The following GALNTL6 variants were observed in gnomAD, a reference collection of about 807,000 sequenced individuals.
GALNTL6 encodes polypeptide N-acetylgalactosaminyltransferase-like 6.
A neutral mutation model predicts 73.7 loss-of-function variants in GALNTL6; 46 were observed. The observed-to-expected ratio is 0.62, with a 90% CI of 0.49 to 0.80. GALNTL6 has a LOEUF of 0.80. GALNTL6 is among the 30% of genes least tolerant of loss of function. The pLI is 0.00. For synonymous variants in GALNTL6, 259 were observed against 263.7 expected (o/e 0.98, Z 0.17); for missense variants, 604 against 755.0 (o/e 0.80, Z 2.34).
intron 11 of GALNTL6, among the ~76,000 whole-genome samples, chr4:173,009,717 TGAACA>T (rs2126493771): frequency 6.6e-6 from 1 of 152,362 alleles, no homozygotes; most frequent in South Asian, 2.1e-4. Flanking sequence ...CCCCTGACCA[TGAACA>T]GATCACTTTA....
At chr4:172,366,597 C>T (rs187263705) in intron 5 of GALNTL6, among the ~76,000 whole-genome samples, 5 of 152,030 alleles carry the variant, frequency 3.3e-5, no homozygotes, top group East Asian at 1.9e-4. Flanking sequence ...GTAAGATCAA[C>T]GTGGGAAAAA....
chr4:172,485,437 G>A (rs537529116), intron 5 of GALNTL6, among the ~76,000 whole-genome samples: 2 of 152,038 alleles, frequency 1.3e-5, no homozygotes, highest in South Asian at 2.1e-4. Context: ...TTTATAAAAC[G>A]TCTGTTTTAT....
At chr4:172,512,963 G>GT (rs1316134593) in intron 5 of GALNTL6, among the ~76,000 whole-genome samples, 1 of 152,022 alleles carries the variant, frequency 6.6e-6, no homozygotes, top group Non-Finnish European at 1.5e-5. Context: ...TTTCCTGGGT[G>GT]TTTTTTGAGC....
chr4:172,862,732 T>A (rs1017231193), intron 7 of GALNTL6, among the ~76,000 whole-genome samples: 1 of 147,194 alleles, frequency 6.8e-6, no homozygotes, highest in Non-Finnish European at 1.5e-5. Flanking sequence ...AAAAACCCAT[T>A]TTCTGGGGAG....
chr4:172,652,127 A>G (rs1213054628), intron 5 of GALNTL6, among the ~76,000 whole-genome samples: 1 of 152,218 alleles, frequency 6.6e-6, no homozygotes, highest in Non-Finnish European at 1.5e-5. Context: ...CATCTAGATT[A>G]TGTTTAAGGA....
intron 2 of GALNTL6, among the ~76,000 whole-genome samples, chr4:172,203,817 G>A (rs1047362436): frequency 6.6e-6 from 1 of 152,084 alleles, no homozygotes; most frequent in Non-Finnish European, 1.5e-5. Context: ...CACAGTCTTG[G>A]CTCACCACAA....
intron 5 of GALNTL6, among the ~76,000 whole-genome samples, chr4:172,789,241 C>T (rs548159320): frequency 2.7e-4 from 41 of 152,268 alleles, no homozygotes; most frequent in Non-Finnish European, 4.1e-4. Flanking sequence ...CCATGACCCC[C>T]TCTTGGGTTC....
intron 2 of GALNTL6, among the ~76,000 whole-genome samples, chr4:172,126,997 C>T (rs1207126985): frequency 6.6e-6 from 1 of 152,212 alleles, no homozygotes; most frequent in Non-Finnish European, 1.5e-5. Flanking sequence ...AACATTTTCA[C>T]ATGCCTCAAG....
At chr4:172,309,918 T>C (rs960007300) in intron 3 of GALNTL6, among the ~76,000 whole-genome samples, 1 of 152,058 alleles carries the variant, frequency 6.6e-6, no homozygotes, top group Non-Finnish European at 1.5e-5. Flanking sequence ...ATGAAAATTG[T>C]ATAAAACGCC....
chr4:172,079,063 A>C (rs1182822254), intron 2 of GALNTL6, among the ~76,000 whole-genome samples: 1 of 152,122 alleles, frequency 6.6e-6, no homozygotes, highest in Non-Finnish European at 1.5e-5. Context: ...ATACATACTC[A>C]AATATGTATC....
At chr4:172,463,737 A>T (rs1732698740) in intron 5 of GALNTL6, among the ~76,000 whole-genome samples, 1 of 152,246 alleles carries the variant, frequency 6.6e-6, no homozygotes, top group South Asian at 2.1e-4. Context: ...GAAGACCCTA[A>T]TTTAGTCAAT....
At chr4:172,641,256 T>C (rs770053440) in intron 5 of GALNTL6, among the ~76,000 whole-genome samples, 2 of 152,136 alleles carry the variant, frequency 1.3e-5, no homozygotes, top group Admixed American at 1.3e-4. Context: ...AGTGATCTTT[T>C]TAAGACATAA....
intron 2 of GALNTL6, among the ~76,000 whole-genome samples, chr4:172,024,962 A>G (rs1741512775): frequency 6.6e-6 from 1 of 151,914 alleles, no homozygotes; most frequent in African/African-American, 2.4e-5. Flanking sequence ...GTCTAAGAAC[A>G]AAATATTACC....
chr4:172,165,057 C>T (rs1482931845), intron 2 of GALNTL6, among the ~76,000 whole-genome samples: 2 of 151,996 alleles, frequency 1.3e-5, no homozygotes, highest in Non-Finnish European at 2.9e-5. Flanking sequence ...CAGAGTTTTT[C>T]AAAATACAAT....
chr4:172,236,643 A>G (rs1312575702), intron 3 of GALNTL6, among the ~76,000 whole-genome samples: 1 of 151,904 alleles, frequency 6.6e-6, no homozygotes, highest in Non-Finnish European at 1.5e-5. Flanking sequence ...ATGTTGTTAC[A>G]TTACATTTCT....
chr4:172,720,479 C>T (rs975242583), intron 5 of GALNTL6, among the ~76,000 whole-genome samples: 6 of 152,150 alleles, frequency 3.9e-5, no homozygotes, highest in African/African-American at 1.4e-4. Flanking sequence ...CCAGGTTCCC[C>T]CCTCCCACCT....
chr4:171,887,713 T>G lies in GALNTL6; in HGVS notation c.138+72995T>G, dbSNP rs74755956. ...AAATACCACTTTCCTATAAGCTGTCTTCTGGTGATGTTGCTTTATCTTGAA... is the reference window on the plus strand; with the variant it reads ...AAATACCACTTTCCTATAAGCTGTCGTCTGGTGATGTTGCTTTATCTTGAA... On this transcript the variant is annotated intron_variant, in intron 2 of 12. Transcript: ENST00000506823. Among the ~76,000 whole-genome samples, 277 of 152,318 alleles carry G rather than the reference T, an allele frequency of 1.8e-3. 1 individual carries two copies. The highest frequency in any genetic ancestry group is 9.9e-3 in the Admixed American group (152 of 15,304).
intron 10 of GALNTL6, among the ~76,000 whole-genome samples, chr4:172,952,565 G>T (rs566474368): frequency 6.6e-6 from 1 of 151,890 alleles, no homozygotes; most frequent in African/African-American, 2.4e-5. Flanking sequence ...TTCCAGGCTG[G>T]AATGCAATGG....
chr4:172,131,138 A>T (rs1323138341), intron 2 of GALNTL6, among the ~76,000 whole-genome samples: 1 of 151,934 alleles, frequency 6.6e-6, no homozygotes, highest in Non-Finnish European at 1.5e-5. Flanking sequence ...ATTTAATTTT[A>T]AAGAAAATAT....
Sources: gnomAD v4.1 joint callset for allele counts (sites outside exome capture counted in the v4.1 genomes callset) on GRCh38, gnomAD v4.1.1 for gene constraint, MANE v1.5 for transcripts, NCBI Gene and HGNC (gene_info 2026-07-23, HGNC 2026-07-21) for gene names.